The following NALCN variants were observed in gnomAD, a reference collection of about 807,000 sequenced individuals.
NALCN encodes sodium leak channel, non-selective.
A neutral mutation model predicts 225.3 loss-of-function variants in NALCN; 111 were observed. That is an observed-to-expected ratio of 0.49 (90% confidence interval 0.42 to 0.58). The LOEUF (loss-of-function observed/expected upper bound fraction) is 0.58. Among genes scored for constraint, NALCN ranks in the 20% least tolerant of loss-of-function variants. NALCN has a pLI of 0.00. For missense variants in NALCN, 1,378 were observed against 2,202.4 expected (o/e 0.63, Z 7.49); for synonymous variants, 764 against 769.0 (o/e 0.99, Z 0.11).
At chr13:101,357,215 G>C (rs927634838) in intron 6 of NALCN, among the ~76,000 whole-genome samples, 3 of 152,120 alleles carry the variant, frequency 2.0e-5, no homozygotes, top group East Asian at 1.9e-4. Context: ...AGAAATAAAG[G>C]GTATTTAAAT....
At chr13:101,063,459 A>G (rs1369132400) in intron 40 of NALCN, among the ~76,000 whole-genome samples, 1 of 152,192 alleles carries the variant, frequency 6.6e-6, no homozygotes, top group Non-Finnish European at 1.5e-5. Flanking sequence ...TTTTTATTAG[A>G]TACATCGGTG....
Position 101,082,803 on chromosome 13 carries a change from C to T in NALCN, c.3765+6G>A, listed in dbSNP as rs1414186758. ...TCCCCCAGAGCTAGCTGACTCATTA[C>T]AGTACCTCCAGAACAAAGATGAAGG... On this transcript the variant is annotated splice_donor_region_variant and intron_variant, in intron 33 of 43. Transcript: ENST00000251127. 8 of 1,613,966 alleles carry T rather than the reference C, an allele frequency of 5.0e-6. No homozygotes were observed. The Admixed American group carries it at 1.2e-4, about 24-fold the overall frequency.
intron 13 of NALCN, among the ~76,000 whole-genome samples, chr13:101,201,166 T>C (rs2040105321): frequency 6.6e-6 from 1 of 152,168 alleles, no homozygotes; most frequent in African/African-American, 2.4e-5. Flanking sequence ...TTTTGACTTT[T>C]AAAAGAAATA....
At chr13:101,148,279 CTT>C (rs2037460415) in intron 15 of NALCN, among the ~76,000 whole-genome samples, 1 of 152,190 alleles carries the variant, frequency 6.6e-6, no homozygotes, top group African/African-American at 2.4e-5. Flanking sequence ...TTGCCTTTCT[CTT>C]GTTTCTCATG....
chr13:101,382,862 C>T (rs1377522949), intron 3 of NALCN, among the ~76,000 whole-genome samples: 3 of 152,150 alleles, frequency 2.0e-5, no homozygotes, highest in Non-Finnish European at 4.4e-5. Context: ...CACCAACAAG[C>T]TCAGCACATG....
chr13:101,329,550 A>T (rs1354700165), intron 7 of NALCN, among the ~76,000 whole-genome samples: 1 of 152,220 alleles, frequency 6.6e-6, no homozygotes, highest in African/African-American at 2.4e-5. Context: ...CAGCAAAAAA[A>T]TACTAAAAAT....
At position 101,399,184 on chromosome 13, in the gene NALCN, G is replaced by A. The variant is rs1381639183; in HGVS notation, c.-39-19C>T. The A allele has an allele frequency of 6.3e-7, 1 of 1,597,506 alleles. No individual in the cohort carries two copies. The highest frequency in any genetic ancestry group is 8.6e-7 in the Non-Finnish European group (1 of 1,168,876). On this transcript the variant is annotated intron_variant, in intron 1 of 43. Transcript: ENST00000251127. ...CCACAGTCTGGGAAAAGGAAAAGTT[G>A]TATTTGTCATCTAAACCATCTTGCC...
At chr13:101,145,000 A>G (rs1240434433) in intron 15 of NALCN, 104 bp from the exon 16 acceptor site, 1 of 1,304,348 alleles carries the variant, frequency 7.7e-7, no homozygotes, top group African/African-American at 1.5e-5. Context: ...AATTACATGA[A>G]ATGCCAGTAG....
intron 13 of NALCN, among the ~76,000 whole-genome samples, chr13:101,197,147 T>A (rs1199845024): frequency 6.6e-6 from 1 of 152,176 alleles, no homozygotes; most frequent in African/African-American, 2.4e-5. Flanking sequence ...GGGCTCTGCA[T>A]AGCCCTTTGG....
At chr13:101,260,975 A>C (rs2042406057) in intron 10 of NALCN, among the ~76,000 whole-genome samples, 1 of 152,128 alleles carries the variant, frequency 6.6e-6, no homozygotes, top group African/African-American at 2.4e-5. Flanking sequence ...GATTTTCCCC[A>C]GTGTTTTCTT....
intron 1 of NALCN, among the ~76,000 whole-genome samples, chr13:101,401,179 T>C (rs2047468778): frequency 6.6e-6 from 1 of 152,198 alleles, no homozygotes; most frequent in African/African-American, 2.4e-5. Flanking sequence ...GCTCTGAATA[T>C]TGAGTTTGAA....
chr13:101,055,384 C>T lies in NALCN; in HGVS notation c.5128G>A (p.Ala1710Thr). 1 of 1,614,136 alleles carries T rather than the reference C, an allele frequency of 6.2e-7. No homozygotes were observed. The highest frequency in any genetic ancestry group is 1.3e-5 in the African/African-American group (1 of 75,022). Reference protein sequence around the residue: ...VCKMNPMTDAASCGSEVKKWW... With the variant: ...VCKMNPMTDATSCGSEVKKWW... Reference sequence around the variant, plus strand: ...TTCTTAACTTCAGAACCGCAGGAAGCCGCGTCAGTCATGGGGTTCATTTTG... The same window carrying T: ...TTCTTAACTTCAGAACCGCAGGAAGTCGCGTCAGTCATGGGGTTCATTTTG... Residue 1710 changes from alanine to threonine, a missense_variant, in exon 44 of 44, where the codon GCT becomes ACT. This residue lies in a region of NALCN where 145 missense variants were observed against 169.6 expected (regional missense o/e 0.85). Coordinates refer to ENST00000251127, the MANE Select transcript of NALCN (RefSeq NM_052867.4).
chr13:101,395,441 G>A (rs2047263941), intron 2 of NALCN, 76 bp from the exon 3 acceptor site: 2 of 1,416,108 alleles, frequency 1.4e-6, no homozygotes, highest in East Asian at 2.3e-5. Flanking sequence ...CACACTAAGT[G>A]GAAAACATAA....
Position 101,055,131 on chromosome 13 carries a change from A to G in NALCN, c.*164T>C, listed in dbSNP as rs1019439724. 1 of 629,752 alleles carries G rather than the reference A, an allele frequency of 1.6e-6. No individual in the cohort carries two copies. The allele number at this position is 629,752 out of a possible 1,614,324, so 39.0% of individuals were successfully genotyped here. On this transcript the variant is annotated 3_prime_UTR_variant, in exon 44 of 44. Coordinates refer to ENST00000251127, the MANE Select transcript of NALCN (RefSeq NM_052867.4). ...AATGATTGATAGTAACCCATCATAC[A>G]TGCAGCTTATGCCTTTCTGTGGCAG...
chr13:101,316,103 C>T lies in NALCN; in HGVS notation c.800-23737G>A, dbSNP rs116347698. 1.5e-3 allele frequency among the ~76,000 whole-genome samples: 224 copies of T among 152,230 alleles called. 1 individual carries two copies. The highest frequency in any genetic ancestry group is 5.1e-3 in the African/African-American group (210 of 41,542). On this transcript the variant is annotated intron_variant, in intron 7 of 43. Transcript: ENST00000251127. ...ATGAAAGGAAAGAATCAAACTTAGT[C>T]TATAGACTAAGATACTTAGATCATA...
chr13:101,120,770 A>C (rs1452315224), intron 18 of NALCN, among the ~76,000 whole-genome samples: 1 of 152,172 alleles, frequency 6.6e-6, no homozygotes, highest in Non-Finnish European at 1.5e-5. Flanking sequence ...GGGAAAGAAC[A>C]TGGAAAGCAG....
In NALCN at chr13:101,345,406, T is replaced by A; in HGVS notation, c.659A>T (p.Asn220Ile). 6.2e-7 allele frequency: 1 copy of A among 1,613,238 alleles called. No individual in the cohort carries two copies. The highest frequency in any genetic ancestry group is 1.3e-5 in the African/African-American group (1 of 74,984). The change falls in exon 7 of 44, where the codon AAT becomes ATT. Residue 220 changes from asparagine (N) to isoleucine (I), a missense_variant. Physicochemically the swap from Asn to Ile is moderately radical, Grantham distance 149. Transcript: ENST00000251127. ...NDTKPGNVTW[N>I]SLAIPDTHCS... ...GTGTGTGTCTGGAATAGCTAAACTA[T>A]TCCAGGTTACATTCCTGTGAACAAC...
intron 7 of NALCN, among the ~76,000 whole-genome samples, chr13:101,303,938 C>T (rs1594639080): frequency 2.0e-5 from 3 of 152,168 alleles, no homozygotes; most frequent in Non-Finnish European, 4.4e-5. Context: ...TAGCTAAACT[C>T]TAACATGCAG....
In NALCN at chr13:101,100,873, G is replaced by A. The variant is rs2034772023; in HGVS notation, c.3073C>T (p.Leu1025=). Reference sequence around the variant, plus strand: ...CTTGCAAAAACGAGCATTAATGTCAGCAAAAGAATGGAGACCTGAAAGAAA... The same window carrying A: ...CTTGCAAAAACGAGCATTAATGTCAACAAAAGAATGGAGACCTGAAAGAAA... The part of the protein sequence containing the change: ...KEIFLVSILL[L]TLMLVFASFG... The change falls in exon 27 of 44, where the codon CTG becomes TTG. Residue 1025 remains leucine (L), a synonymous_variant. Coordinates refer to ENST00000251127, the MANE Select transcript of NALCN (RefSeq NM_052867.4). 6.2e-7 allele frequency: 1 copy of A among 1,605,466 alleles called. No individual in the cohort carries two copies. The highest frequency in any genetic ancestry group is 1.7e-5 in the Admixed American group (1 of 58,126).
Sources: allele counts gnomAD v4.1 joint callset (sites outside exome capture counted in the v4.1 genomes callset), GRCh38; gene constraint gnomAD v4.1.1; regional missense constraint gnomAD v4.1.1; transcripts MANE v1.5; gene names NCBI Gene and HGNC (gene_info 2026-07-23, HGNC 2026-07-21).